DAB1: variants seen among roughly 807,000 people sequenced by gnomAD.
DAB1 encodes disabled homolog 1.
Under a neutral mutation model 64.6 loss-of-function variants are expected in DAB1, and 15 were observed. The observed-to-expected ratio is 0.23, with a 90% CI of 0.16 to 0.36. The LOEUF (loss-of-function observed/expected upper bound fraction) is 0.36. DAB1 is among the 10% of genes least tolerant of loss of function. DAB1 has a pLI of 1.00. For synonymous variants in DAB1, 235 were observed against 251.9 expected, an observed-to-expected ratio of 0.93 and a Z score of 0.64; for missense variants, 596 against 706.7, an observed-to-expected ratio of 0.84 and a Z score of 1.78.
chr1:57,871,651 T>C (rs1643951404), intron 1 of DAB1, among the ~76,000 whole-genome samples: 1 of 152,208 alleles, frequency 6.6e-6, no homozygotes. Context: ...AAGACAGTTT[T>C]GCTCTAGGTT....
intron 4 of DAB1, among the ~76,000 whole-genome samples, chr1:57,108,318 C>A (rs188065052): frequency 1.3e-5 from 2 of 152,072 alleles, no homozygotes; most frequent in African/African-American, 4.8e-5. Flanking sequence ...ATCCCAGAAA[C>A]GTTTCATTAC....
intron 3 of DAB1, among the ~76,000 whole-genome samples, chr1:58,451,797 CAAGTT>C (rs772275680): frequency 4.6e-5 from 7 of 151,902 alleles, no homozygotes; most frequent in African/African-American, 1.5e-4. Context: ...AAACAAACGA[CAAGTT>C]AAGACTGGAA....
chr1:57,831,220 T>C (rs1367366034), intron 1 of DAB1, among the ~76,000 whole-genome samples: 1 of 152,150 alleles, frequency 6.6e-6, no homozygotes, highest in Non-Finnish European at 1.5e-5. Flanking sequence ...GCCATGTTGC[T>C]GTATTTTTGC....
At chr1:57,980,968 TA>T (rs1172213875) in intron 5 of DAB1, among the ~76,000 whole-genome samples, 2 of 151,548 alleles carry the variant, frequency 1.3e-5, no homozygotes, top group Non-Finnish European at 2.9e-5. Context: ...TATATGAATA[TA>T]AAGAGATAGA....
At chr1:57,516,576 T>G (rs1175362697) in intron 7 of DAB1, among the ~76,000 whole-genome samples, 1 of 152,220 alleles carries the variant, frequency 6.6e-6, no homozygotes. Flanking sequence ...TACTCTGATC[T>G]TGTCATCTGA....
chr1:57,832,839 T>G (rs773226471), intron 1 of DAB1, among the ~76,000 whole-genome samples: 2 of 152,168 alleles, frequency 1.3e-5, no homozygotes, highest in Non-Finnish European at 2.9e-5. Flanking sequence ...TGCCTGGGCA[T>G]TTTTGTAGGG....
At position 57,672,723 on chromosome 1, in the gene DAB1, T is replaced by C. The variant is rs192676013; in HGVS notation, n.552-23058A>G. The stretch of plus-strand genomic sequence containing the variant: ...TCTTAGAGTGGGTTTGATGGCCTTC[T>C]TCAGGACCTCCCAACTCTCTGACAC... On this transcript the variant is annotated intron_variant and non_coding_transcript_variant, in intron 6 of 20. Coordinates refer to the DAB1 transcript ENST00000485760. 2.6e-4 allele frequency among the ~76,000 whole-genome samples: 40 copies of C among 152,316 alleles called. No homozygotes were observed. In the East Asian group the frequency reaches 6.8e-3, roughly 26 times the overall value.
intron 1 of DAB1, among the ~76,000 whole-genome samples, chr1:57,306,657 G>T (rs1348697118): frequency 6.6e-6 from 1 of 151,636 alleles, no homozygotes; most frequent in African/African-American, 2.4e-5. Flanking sequence ...ATTTCTGCTT[G>T]CCAAGTACAA....
intron 5 of DAB1, among the ~76,000 whole-genome samples, chr1:57,934,585 ATCTATTATAGTTT>A (rs1645000006): frequency 6.6e-6 from 1 of 152,128 alleles, no homozygotes; most frequent in African/African-American, 2.4e-5. Context: ...ATTTAACTTG[ATCTATTATAGTTT>A]AACCTTCTCT....
chr1:58,120,031 T>C (rs749687764), intron 5 of DAB1, among the ~76,000 whole-genome samples: 3 of 152,146 alleles, frequency 2.0e-5, no homozygotes, highest in Non-Finnish European at 2.9e-5. Context: ...TCCATCCTGA[T>C]TGCTGGTCCC....
At chr1:57,578,895 C>T (rs1418876707) in intron 7 of DAB1, among the ~76,000 whole-genome samples, 3 of 152,192 alleles carry the variant, frequency 2.0e-5, no homozygotes, top group Non-Finnish European at 1.5e-5. Context: ...TGCACACAGT[C>T]AGCATTTGCT....
At chr1:57,907,778 G>C (rs12118826) in intron 5 of DAB1, among the ~76,000 whole-genome samples, 1 of 151,564 alleles carries the variant, frequency 6.6e-6, no homozygotes, top group Non-Finnish European at 1.5e-5. Context: ...TTAACGATGG[G>C]GATACATGCT....
intron 3 of DAB1, among the ~76,000 whole-genome samples, chr1:58,343,632 T>G (rs1643965075): frequency 6.6e-6 from 1 of 152,204 alleles, no homozygotes; most frequent in African/African-American, 2.4e-5. Flanking sequence ...TGAAGAGCAG[T>G]GAGCAAAAAG....
intron 6 of DAB1, among the ~76,000 whole-genome samples, chr1:57,805,131 A>G (rs1348174660): frequency 1.3e-5 from 2 of 152,130 alleles, no homozygotes; most frequent in Non-Finnish European, 2.9e-5. Flanking sequence ...GCACATCCCC[A>G]CTGGTGCAGG....
At chr1:57,768,731 T>C (rs1047832204) in intron 6 of DAB1, among the ~76,000 whole-genome samples, 4 of 152,062 alleles carry the variant, frequency 2.6e-5, no homozygotes, top group African/African-American at 7.2e-5. Flanking sequence ...TGTGTACAGC[T>C]TCTTGTGCCC....
intron 5 of DAB1, among the ~76,000 whole-genome samples, chr1:58,070,175 T>C (rs1372707716): frequency 6.6e-6 from 1 of 152,128 alleles, no homozygotes; most frequent in Non-Finnish European, 1.5e-5. Flanking sequence ...GGGAGTGGCA[T>C]TCTGCTTTTG....
At chr1:57,853,231 G>A (rs72666122) in intron 1 of DAB1, among the ~76,000 whole-genome samples, 11,415 of 150,218 alleles carry the variant, frequency 0.076, 666 homozygotes, top group Admixed American at 0.21. Flanking sequence ...CATAAGAAAG[G>A]GTTTGGGGCT....
At chr1:57,292,384 G>A (rs1182129862) in intron 1 of DAB1, among the ~76,000 whole-genome samples, 1 of 152,018 alleles carries the variant, frequency 6.6e-6, no homozygotes, top group Non-Finnish European at 1.5e-5. Flanking sequence ...AAAGGAAATG[G>A]CCCAAATGAA....
At chr1:57,929,925 C>A (rs932818370) in intron 5 of DAB1, among the ~76,000 whole-genome samples, 9 of 152,156 alleles carry the variant, frequency 5.9e-5, no homozygotes, top group Admixed American at 2.0e-4. Flanking sequence ...CCACATCCCA[C>A]CAGGTGCCCT....
Sources: allele counts gnomAD v4.1 joint callset (sites outside exome capture counted in the v4.1 genomes callset), GRCh38; gene constraint gnomAD v4.1.1; transcripts MANE v1.5; gene names NCBI Gene and HGNC (gene_info 2026-07-23, HGNC 2026-07-21).